The following WDFY2 variants were observed in gnomAD, a reference collection of about 807,000 sequenced individuals.
WDFY2 encodes the protein WD repeat and FYVE domain containing 2.
A neutral mutation model predicts 56.4 loss-of-function variants in WDFY2; 36 were observed. The ratio of observed to expected loss-of-function variants is 0.64; its 90% CI spans 0.49 to 0.84. The LOEUF (loss-of-function observed/expected upper bound fraction) is 0.84. WDFY2 is among the 40% of genes least tolerant of loss of function. WDFY2 has a pLI of 0.00. For synonymous variants in WDFY2, 176 were observed against 183.7 expected, an observed-to-expected ratio of 0.96 and a Z score of 0.34; for missense variants, 444 against 512.2, an observed-to-expected ratio of 0.87 and a Z score of 1.29.
chr13:51,755,309 T>A, intron 8 of WDFY2, 49 bp from the exon 9 acceptor site: 1 of 1,575,762 alleles, frequency 6.3e-7, no homozygotes, highest in South Asian at 1.1e-5. Context: ...TGGTTTCCAT[T>A]GTCCTGACTG....
intron 8 of WDFY2, among the ~76,000 whole-genome samples, chr13:51,753,508 A>G (rs1247127449): frequency 1.3e-5 from 2 of 152,250 alleles, no homozygotes; most frequent in Non-Finnish European, 2.9e-5. Flanking sequence ...AAAGATGTCA[A>G]TTACTCATAC....
At chr13:51,668,243 A>G (rs1474364175) in intron 2 of WDFY2, among the ~76,000 whole-genome samples, 1 of 152,138 alleles carries the variant, frequency 6.6e-6, no homozygotes, top group Admixed American at 6.5e-5. Flanking sequence ...GCTAGAAATC[A>G]TTTAATCTGA....
intron 1 of WDFY2, among the ~76,000 whole-genome samples, chr13:51,651,572 T>A (rs1955386555): frequency 6.6e-6 from 1 of 152,250 alleles, no homozygotes; most frequent in Admixed American, 6.5e-5. Flanking sequence ...AATTTCCCTC[T>A]ACACACTGCT....
intron 2 of WDFY2, among the ~76,000 whole-genome samples, chr13:51,661,171 GCACTGATAAA>G (rs989631793): frequency 6.6e-6 from 1 of 152,126 alleles, no homozygotes; most frequent in African/African-American, 2.4e-5. Context: ...TTATGTCCTT[GCACTGATAAA>G]TAATGGATCT....
At chr13:51,586,634 C>T (rs1326132756) in intron 1 of WDFY2, 1 of 152,088 alleles carries the variant, frequency 6.6e-6, no homozygotes, top group Non-Finnish European at 1.5e-5. Context: ...GGTATATTTT[C>T]AAGTGTTTGG....
chr13:51,634,661 A>C (rs772332254), intron 1 of WDFY2, among the ~76,000 whole-genome samples: 5 of 151,724 alleles, frequency 3.3e-5, no homozygotes. Context: ...AAATGCAAAA[A>C]TTAGCCAGGT....
intron 10 of WDFY2, chr13:51,756,671 C>G: frequency 1.0e-6 from 1 of 982,312 alleles, no homozygotes; most frequent in South Asian, 4.7e-5. Flanking sequence ...TCAAAGAATT[C>G]ATCTCTGTGT....
At chr13:51,651,315 A>T (rs987068970) in intron 1 of WDFY2, among the ~76,000 whole-genome samples, 1 of 151,580 alleles carries the variant, frequency 6.6e-6, no homozygotes, top group Non-Finnish European at 1.5e-5. Flanking sequence ...TTTCTTCTTT[A>T]TTAGTCTTGC....
chr13:51,699,412 G>A (rs1383288800), intron 3 of WDFY2, among the ~76,000 whole-genome samples: 5 of 152,274 alleles, frequency 3.3e-5, no homozygotes, highest in African/African-American at 1.2e-4. Flanking sequence ...ATGCATCACC[G>A]TCTTTCTCCG....
At chr13:51,626,505 A>G (rs1409354946) in intron 1 of WDFY2, among the ~76,000 whole-genome samples, 1 of 152,244 alleles carries the variant, frequency 6.6e-6, no homozygotes, top group Non-Finnish European at 1.5e-5. Context: ...TTTCTCCACC[A>G]GTGAGGTTCA....
chr13:51,747,854 G>A (rs561247495), intron 7 of WDFY2, among the ~76,000 whole-genome samples: 1 of 152,290 alleles, frequency 6.6e-6, no homozygotes, highest in Non-Finnish European at 1.5e-5. Context: ...TGTAAGATGA[G>A]GGAACAAGTC....
chr13:51,689,310 G>A (rs1247647370), intron 3 of WDFY2, among the ~76,000 whole-genome samples: 2 of 152,170 alleles, frequency 1.3e-5, no homozygotes, highest in Middle Eastern at 3.2e-3. Flanking sequence ...GACTAGAGGG[G>A]CAGCAGCCAA....
intron 1 of WDFY2, among the ~76,000 whole-genome samples, chr13:51,614,273 T>C (rs1487532665): frequency 6.6e-6 from 1 of 151,854 alleles, no homozygotes. Context: ...AGGGATTATC[T>C]CAAGCTATGA....
At position 51,680,993 on chromosome 13, in the gene WDFY2, G is replaced by A. The variant is rs575542071; in HGVS notation, c.279+5750G>A. ...GCCACTGTTAAAAAATATGTGTTGG[G>A]TTGGGGGCAGGAATTTCAGCATTTA... On this transcript the variant is annotated intron_variant, in intron 3 of 11. Transcript: ENST00000298125. Among the ~76,000 whole-genome samples the A allele has an allele frequency of 6.6e-5, 10 of 152,278 alleles. No homozygotes were observed. The East Asian group carries it at 1.9e-3, about 29-fold the overall frequency.
intron 3 of WDFY2, among the ~76,000 whole-genome samples, chr13:51,681,337 A>G (rs1200434022): frequency 6.6e-6 from 1 of 152,170 alleles, no homozygotes; most frequent in African/African-American, 2.4e-5. Flanking sequence ...GTTTTCCAGG[A>G]CTTCTAGTGT....
chr13:51,592,669 T>C (rs1055901021), intron 1 of WDFY2: 2 of 152,192 alleles, frequency 1.3e-5, no homozygotes. Flanking sequence ...TGCTTTTCTT[T>C]TAGCTGGGCA....
intron 8 of WDFY2, among the ~76,000 whole-genome samples, chr13:51,752,574 C>A (rs1953262676): frequency 6.6e-6 from 1 of 152,174 alleles, no homozygotes; most frequent in South Asian, 2.1e-4. Context: ...GGACCCAATT[C>A]TTTTCCTTTG....
chr13:51,702,755 C>T (rs563543361), intron 3 of WDFY2, among the ~76,000 whole-genome samples: 3 of 152,160 alleles, frequency 2.0e-5, no homozygotes, highest in South Asian at 2.1e-4. Flanking sequence ...AGATTAATTG[C>T]GTTGTTTCTA....
chr13:51,591,111 G>C (rs549942210), intron 1 of WDFY2: 1 of 152,364 alleles, frequency 6.6e-6, no homozygotes, highest in Non-Finnish European at 1.5e-5. Flanking sequence ...GGCAAAGGAG[G>C]GGGTTAGATT....
Sources: allele counts gnomAD v4.1 joint callset (sites outside exome capture counted in the v4.1 genomes callset), GRCh38; gene constraint gnomAD v4.1.1; transcripts MANE v1.5; gene names NCBI Gene and HGNC (gene_info 2026-07-23, HGNC 2026-07-21).